KCNQ1: variants seen among roughly 807,000 people sequenced by gnomAD.
KCNQ1 encodes the protein potassium voltage-gated channel subfamily Q member 1.
A neutral mutation model predicts 72.4 loss-of-function variants in KCNQ1; 49 were observed. The ratio of observed to expected loss-of-function variants is 0.68; its 90% CI spans 0.54 to 0.86. KCNQ1 has a LOEUF of 0.86. Ranked by LOEUF, KCNQ1 falls within the 40% of genes least tolerant of loss-of-function variation. The pLI, the probability that KCNQ1 is intolerant of heterozygous loss-of-function variation, is 0.00. For missense variants in KCNQ1, 790 were observed against 945.1 expected, an observed-to-expected ratio of 0.84 and a Z score of 2.15; for synonymous variants, 450 against 412.6, an observed-to-expected ratio of 1.09 and a Z score of -1.10.
chr11:2,475,758 C>A lies in KCNQ1; in HGVS notation c.386+30274C>A, dbSNP rs560079965. On this transcript the variant is annotated intron_variant, in intron 1 of 15. Coordinates refer to ENST00000155840, the MANE Select transcript of KCNQ1 (RefSeq NM_000218.3). The surrounding 1 kb of genome is among the most constrained non-coding windows in gnomAD (Gnocchi z 5.8). ...GGACGAGTCTTTCCTGTGCTGTTCT[C>A]GTAATAGTGAATACGTCTCATAAGA... 2.6e-5 allele frequency among the ~76,000 whole-genome samples: 4 copies of A among 152,206 alleles called. No individual in the cohort carries two copies. In the East Asian group the frequency reaches 7.7e-4, roughly 29 times the overall value.
At chr11:2,666,123 CCT>C (rs927570628) in intron 11 of KCNQ1, 33 of 398,588 alleles carry the variant, frequency 8.3e-5, no homozygotes, top group Non-Finnish European at 1.4e-4. Flanking sequence ...CTGAAGGGCC[CCT>C]GTCTCTTCTG....
intron 2 of KCNQ1, among the ~76,000 whole-genome samples, chr11:2,546,867 C>T (rs544841879): frequency 2.0e-5 from 3 of 152,336 alleles, no homozygotes; most frequent in African/African-American, 2.4e-5. Flanking sequence ...TATCCCTGGC[C>T]ACTTTCTTTG....
chr11:2,755,355 A>C (rs2133967443), intron 11 of KCNQ1, among the ~76,000 whole-genome samples: 1 of 152,252 alleles, frequency 6.6e-6, no homozygotes, highest in East Asian at 1.9e-4. Context: ...GGCTCAAACG[A>C]TTCTTCCACC....
At position 2,612,181 on chromosome 11, in the gene KCNQ1, G is replaced by A; in HGVS notation, c.1393+23327G>A. ...GCTACACAGCAGGAGGTGAGCAGCA[G>A]GCAAGCAAGCATTACTGCCTGAGCT... is the stretch of plus-strand genomic sequence containing the variant. On this transcript the variant is annotated intron_variant, in intron 10 of 15. Transcript: ENST00000155840. The surrounding 1 kb of genome is among the most constrained non-coding windows in gnomAD (Gnocchi z 5.5). 1 of 398,674 alleles carries A rather than the reference G, an allele frequency of 2.5e-6. No homozygotes were observed. The allele number at this position is 398,674 out of a possible 1,614,324, so 24.7% of individuals were successfully genotyped here.
chr11:2,611,373 C>T lies in KCNQ1; in HGVS notation c.1393+22519C>T. On this transcript the variant is annotated intron_variant, in intron 10 of 15. Transcript: ENST00000155840. The surrounding 1 kb of genome is among the most constrained non-coding windows in gnomAD (Gnocchi z 5.3). The stretch of plus-strand genomic sequence containing the variant: ...TAGCTGGGACTACAGGCATTTGCCA[C>T]CATACCCAGCTAATTTTTAGTAGAG... 1 of 397,416 alleles carries T rather than the reference C, an allele frequency of 2.5e-6. No homozygotes were observed. Among genetic ancestry groups the T allele is most frequent in the Non-Finnish European group, 4.4e-6 (1 of 225,898 alleles). 24.6% of individuals were successfully genotyped at this position (397,416 alleles called of 1,614,324 possible).
At chr11:2,631,472 T>G in intron 10 of KCNQ1, 1 of 396,900 alleles carries the variant, frequency 2.5e-6, no homozygotes, top group East Asian at 3.6e-5. Context: ...TCTCCTTTTG[T>G]GTATTAATGA....
chr11:2,581,500 C>G (rs1173951371), intron 6 of KCNQ1, among the ~76,000 whole-genome samples: 3 of 152,234 alleles, frequency 2.0e-5, no homozygotes, highest in African/African-American at 7.2e-5. Flanking sequence ...CCGGTTCCCC[C>G]AGGGCCCCCC....
chr11:2,688,050 T>C (rs1000077278), intron 11 of KCNQ1: 8 of 398,694 alleles, frequency 2.0e-5, no homozygotes, highest in East Asian at 3.6e-5. Context: ...TCCACTCAGC[T>C]GCAGCCATGG....
intron 1 of KCNQ1, 88 bp from the exon 2 acceptor site, chr11:2,527,840 G>A (rs890749079): frequency 4.5e-6 from 5 of 1,120,602 alleles, no homozygotes; most frequent in African/African-American, 1.5e-5. Flanking sequence ...TGGGGGCGGG[G>A]CTGAGGCCAG....
At chr11:2,660,471 C>A (rs1050646638) in intron 10 of KCNQ1, 2 of 398,396 alleles carry the variant, frequency 5.0e-6, no homozygotes, top group Non-Finnish European at 8.8e-6. Flanking sequence ...GGTGAAAAAA[C>A]AGACTGGGGA....
Position 2,676,671 on chromosome 11 carries a change from C to T in KCNQ1, c.1514+14590C>T. ...TAGTTCATTAAGGTCTTGAGTATTT[C>T]CAAGGGAGCACTAACTGGACTACAG... On this transcript the variant is annotated intron_variant, in intron 11 of 15. Coordinates refer to ENST00000155840, the MANE Select transcript of KCNQ1 (RefSeq NM_000218.3). The surrounding 1 kb of genome is among the most constrained non-coding windows in gnomAD (Gnocchi z 4.2). 2 of 398,612 alleles carry T rather than the reference C, an allele frequency of 5.0e-6. No individual in the cohort carries two copies. The highest frequency in any genetic ancestry group is 7.1e-5 in the East Asian group (2 of 28,080). 24.7% of individuals were successfully genotyped at this position (398,612 alleles called of 1,614,324 possible). A position where few individuals can be genotyped will look rare whatever the true frequency, so the allele number is the denominator to read the frequency against.
In KCNQ1 at chr11:2,634,427, T is replaced by C. The variant is rs1482600552; in HGVS notation, c.1394-27534T>C. ...CCCACCTACGAGTGAGAACATGCGG[T>C]GTTTGGTTTTTCATTCTTGCTATAG... On this transcript the variant is annotated intron_variant, in intron 10 of 15. Transcript: ENST00000155840. 3 of 178,552 alleles carry C rather than the reference T, an allele frequency of 1.7e-5. No individual in the cohort carries two copies. The East Asian group carries it at 3.8e-4, about 23-fold the overall frequency. 11.1% of individuals were successfully genotyped at this position (178,552 alleles called of 1,614,324 possible).
At chr11:2,607,697 G>A (rs1240536119) in intron 10 of KCNQ1, among the ~76,000 whole-genome samples, 1 of 152,208 alleles carries the variant, frequency 6.6e-6, no homozygotes, top group East Asian at 1.9e-4. Context: ...ATAACAGTCT[G>A]AACAGACTGA....
intron 11 of KCNQ1, among the ~76,000 whole-genome samples, chr11:2,740,657 C>T (rs1341649740): frequency 6.6e-6 from 1 of 152,228 alleles, no homozygotes; most frequent in Non-Finnish European, 1.5e-5. Flanking sequence ...TCAAGGTGTC[C>T]TCAGGGCTGG....
chr11:2,662,357 A>C (rs1849975330), intron 11 of KCNQ1: 3 of 556,350 alleles, frequency 5.4e-6, no homozygotes, highest in Non-Finnish European at 9.5e-6. Context: ...TGAGAGTCTG[A>C]GATTGTTTTT....
Position 2,589,299 on chromosome 11 carries a change from G to T in KCNQ1, c.1393+445G>T, listed in dbSNP as rs530738146. Among the ~76,000 whole-genome samples the T allele has an allele frequency of 1.1e-4, 16 of 152,298 alleles. No homozygotes were observed. In the South Asian group the frequency reaches 3.3e-3, roughly 32 times the overall value. On this transcript the variant is annotated intron_variant, in intron 10 of 15. Coordinates refer to ENST00000155840, the MANE Select transcript of KCNQ1 (RefSeq NM_000218.3). ...CACCAGGCCCGGGTAAAACGTGGGG[G>T]GCCTGACGGGACAGGCCCTTCTCAT... is the stretch of plus-strand genomic sequence containing the variant.
At position 2,711,006 on chromosome 11, in the gene KCNQ1, G is replaced by A. The variant is rs1850992869; in HGVS notation, c.1514+48925G>A. 6.6e-6 allele frequency among the ~76,000 whole-genome samples: 1 copy of A among 152,154 alleles called. No individual in the cohort carries two copies. The highest frequency in any genetic ancestry group is 6.5e-5 in the Admixed American group (1 of 15,272). On this transcript the variant is annotated intron_variant, in intron 11 of 15. Transcript: ENST00000155840. The surrounding 1 kb of genome is among the most constrained non-coding windows in gnomAD (Gnocchi z 5.4). The stretch of plus-strand genomic sequence containing the variant: ...TTTTACAATCAGCTTGTCAATTTCT[G>A]CAAAGAAACCATCTGGGATACCAAT...
At position 2,537,733 on chromosome 11, in the gene KCNQ1, G is replaced by T. The variant is rs1002345478; in HGVS notation, c.477+9715G>T. On this transcript the variant is annotated intron_variant, in intron 2 of 15. Coordinates refer to ENST00000155840, the MANE Select transcript of KCNQ1 (RefSeq NM_000218.3). The surrounding 1 kb of genome is among the most constrained non-coding windows in gnomAD (Gnocchi z 5.2). Reference sequence around the variant, plus strand: ...GTTGGTTTTTTATTTTTATTTTTTTGAGAGAGAGAGGGTCTTGCTGTGTTG... The same window carrying T: ...GTTGGTTTTTTATTTTTATTTTTTTTAGAGAGAGAGGGTCTTGCTGTGTTG... Among the ~76,000 whole-genome samples, 19 of 150,520 alleles carry T rather than the reference G, an allele frequency of 1.3e-4. No homozygotes were observed. Among genetic ancestry groups the T allele is most frequent in the African/African-American group, 4.5e-4 (18 of 40,132 alleles).
intron 11 of KCNQ1, chr11:2,667,354 G>T: frequency 2.5e-6 from 1 of 398,756 alleles, no homozygotes; most frequent in East Asian, 3.6e-5. Flanking sequence ...TCCTCTGCAA[G>T]GGAAAGGCCA....
Sources: gnomAD v4.1 joint callset for allele counts (sites outside exome capture counted in the v4.1 genomes callset) on GRCh38, gnomAD v4.1.1 for gene constraint, Gnocchi (gnomAD v3.1) non-coding constraint, MANE v1.5 for transcripts, NCBI Gene and HGNC (gene_info 2026-07-23, HGNC 2026-07-21) for gene names.